CEP112: variants seen among roughly 807,000 people sequenced by gnomAD.
CEP112 encodes centrosomal protein of 112 kDa.
In CEP112, 127 loss-of-function variants were observed where a neutral mutation model predicts 153.0. That is an observed-to-expected ratio of 0.83 (90% CI 0.72 to 0.96). The LOEUF (loss-of-function observed/expected upper bound fraction) is 0.96. CEP112 is among the 40% of genes least tolerant of loss of function. The probability of loss-of-function intolerance (pLI) is 0.00; values close to 1 mark genes in which losing one functional copy is unlikely to be tolerated. For synonymous variants in CEP112, 358 were observed against 374.4 expected, an observed-to-expected ratio of 0.96 and a Z score of 0.51; for missense variants, 1,089 against 1,101.2, an observed-to-expected ratio of 0.99 and a Z score of 0.16.
At chr17:66,062,257 G>C (rs1033928597) in intron 11 of CEP112, among the ~76,000 whole-genome samples, 7 of 151,496 alleles carry the variant, frequency 4.6e-5, no homozygotes, top group Admixed American at 6.6e-5. Context: ...AATAAATTAT[G>C]GTTTATTTAT....
At chr17:66,165,372 T>C (rs575902438) in intron 4 of CEP112, among the ~76,000 whole-genome samples, 9 of 152,336 alleles carry the variant, frequency 5.9e-5, no homozygotes, top group African/African-American at 1.4e-4. Context: ...GTGCCGCCTA[T>C]AGAACATTAC....
intron 6 of CEP112, among the ~76,000 whole-genome samples, chr17:66,123,703 C>T (rs531932299): frequency 5.9e-5 from 9 of 152,318 alleles, no homozygotes; most frequent in African/African-American, 2.2e-4. Flanking sequence ...ATGAAACCTA[C>T]TTGGGCTACA....
At chr17:66,057,307 G>A (rs1156795979) in intron 11 of CEP112, among the ~76,000 whole-genome samples, 1 of 152,194 alleles carries the variant, frequency 6.6e-6, no homozygotes, top group Non-Finnish European at 1.5e-5. Flanking sequence ...CATTAGATGT[G>A]TGAGCTGAAG....
At chr17:66,163,645 C>A (rs1382216456) in intron 4 of CEP112, among the ~76,000 whole-genome samples, 2 of 151,974 alleles carry the variant, frequency 1.3e-5, no homozygotes, top group Admixed American at 6.6e-5. Context: ...CACTTTAAGA[C>A]TTCGTATTTC....
chr17:65,831,506 A>G (rs1304442), intron 21 of CEP112, among the ~76,000 whole-genome samples: 150,825 of 150,840 alleles, frequency 1, 75,405 homozygotes, highest in Non-Finnish European at 1. Context: ...GCAGTGAGCC[A>G]AGATCGCGCC....
At chr17:65,966,005 T>C (rs966063968) in intron 17 of CEP112, among the ~76,000 whole-genome samples, 1 of 150,566 alleles carries the variant, frequency 6.6e-6, no homozygotes, top group Non-Finnish European at 1.5e-5. Context: ...CAATAGTGCA[T>C]CCTGAAAGAA....
At chr17:66,096,524 A>G in intron 7 of CEP112, 61 bp downstream of exon 7, 1 of 1,214,136 alleles carries the variant, frequency 8.2e-7, no homozygotes, top group Non-Finnish European at 1.2e-6. Context: ...TAAATAACTT[A>G]GTGATTATTT....
Position 66,029,723 on chromosome 17 carries a change from C to T in CEP112, c.1373+146G>A, listed in dbSNP as rs1482773732. On this transcript the variant is annotated intron_variant, in intron 13 of 26. Coordinates refer to ENST00000535342, the MANE Select transcript of CEP112 (RefSeq NM_001199165.4). ...GTCTCTAAATAAACAAACAAACAAA[C>T]AAACAAACAAACAAACAGCAGTATT... is the stretch of plus-strand genomic sequence containing the variant. The T allele has an allele frequency of 2.8e-4, 169 of 610,984 alleles. 4 individuals are homozygous for T. The highest frequency in any genetic ancestry group is 1.7e-3 in the South Asian group (77 of 45,270). 37.8% of individuals were successfully genotyped at this position (610,984 alleles called of 1,614,324 possible).
At chr17:65,851,352 A>G (rs2057923257) in intron 21 of CEP112, among the ~76,000 whole-genome samples, 1 of 152,226 alleles carries the variant, frequency 6.6e-6, no homozygotes, top group Admixed American at 6.5e-5. Context: ...CTCGACTGAA[A>G]TATCAACCTG....
intron 24 of CEP112, among the ~76,000 whole-genome samples, chr17:65,647,173 GTTTTT>G (rs771331024): frequency 7.9e-6 from 1 of 126,604 alleles, no homozygotes; most frequent in Non-Finnish European, 1.6e-5. Context: ...CTTGATTCTT[GTTTTT>G]TTTTTTTTTT....
At chr17:65,852,102 G>T in intron 20 of CEP112, 68 bp from the exon 21 acceptor site, 1 of 1,010,744 alleles carries the variant, frequency 9.9e-7, no homozygotes, top group Non-Finnish European at 1.5e-6. Context: ...AGAACCAATG[G>T]GCAAAAGGCC....
intron 17 of CEP112, among the ~76,000 whole-genome samples, chr17:65,983,917 A>T (rs2063314043): frequency 6.6e-6 from 1 of 151,924 alleles, no homozygotes; most frequent in Non-Finnish European, 1.5e-5. Context: ...ATCTCTCTAC[A>T]TTGTGTTTCT....
chr17:65,636,080 T>C, intron 26 of CEP112, 106 bp from the exon 27 acceptor site: 2 of 1,044,274 alleles, frequency 1.9e-6, no homozygotes, highest in African/African-American at 1.6e-5. Flanking sequence ...GAAAAGGCTA[T>C]TTGATATCAA....
chr17:65,975,418 AAC>A (rs754718531), intron 17 of CEP112, among the ~76,000 whole-genome samples: 32 of 152,344 alleles, frequency 2.1e-4, no homozygotes, highest in Non-Finnish European at 3.5e-4. Flanking sequence ...ATGATATAAA[AAC>A]ACACATATGT....
intron 21 of CEP112, among the ~76,000 whole-genome samples, chr17:65,828,209 G>A (rs1180722865): frequency 3.3e-5 from 5 of 152,282 alleles, no homozygotes; most frequent in Middle Eastern, 3.4e-3. Flanking sequence ...CTGTTCCCCA[G>A]TACCTGTTCT....
chr17:66,169,282 C>CTTTTTT (rs538896272), intron 4 of CEP112, among the ~76,000 whole-genome samples: 3 of 120,964 alleles, frequency 2.5e-5, no homozygotes, highest in Non-Finnish European at 3.3e-5. Flanking sequence ...TTAATTTCTT[C>CTTTTTT]TTTTTTTTTT....
chr17:65,735,996 C>T (rs1161606289), intron 23 of CEP112, among the ~76,000 whole-genome samples: 1 of 151,990 alleles, frequency 6.6e-6, no homozygotes, highest in South Asian at 2.1e-4. Context: ...AACAACATGC[C>T]CATATTTGCG....
chr17:65,794,148 G>T (rs896295207), intron 21 of CEP112, among the ~76,000 whole-genome samples: 1 of 152,116 alleles, frequency 6.6e-6, no homozygotes, highest in East Asian at 1.9e-4. Context: ...CTCCGATGGG[G>T]AGTAATAAAA....
At chr17:65,941,358 A>G (rs975579927) in intron 18 of CEP112, 6 of 152,210 alleles carry the variant, frequency 3.9e-5, no homozygotes, top group Admixed American at 2.6e-4. Context: ...AAACACATTA[A>G]AAGGCTTTTG....
Sources: gnomAD v4.1 joint callset for allele counts (sites outside exome capture counted in the v4.1 genomes callset) on GRCh38, gnomAD v4.1.1 for gene constraint, MANE v1.5 for transcripts, NCBI Gene and HGNC (gene_info 2026-07-23, HGNC 2026-07-21) for gene names.